Variants in LAMC3 observed in about 807,000 individuals in gnomAD.
LAMC3 encodes laminin subunit gamma 3.
A neutral mutation model predicts 173.8 loss-of-function variants in LAMC3; 128 were observed. The ratio of observed to expected loss-of-function variants is 0.74; its 90% confidence interval spans 0.64 to 0.85. The LOEUF (loss-of-function observed/expected upper bound fraction) is 0.85, where lower values mean the gene tolerates loss of function less well. LAMC3 is among the 40% of genes least tolerant of loss of function. The pLI is 0.00. For synonymous variants in LAMC3, 897 were observed against 909.1 expected (o/e 0.99, Z 0.24); for missense variants, 2,022 against 2,156.0 (o/e 0.94, Z 1.23).
At chr9:131,082,025 G>A (rs752994970) in intron 23 of LAMC3, 34 bp from the exon 24 acceptor site, 22 of 1,567,968 alleles carry the variant, frequency 1.4e-5, no homozygotes, top group Non-Finnish European at 1.9e-5. Context: ...CTCCTGTGGA[G>A]CCAGCTGCCC....
chr9:131,091,122 A>G (rs1830417109), intron 27 of LAMC3, among the ~76,000 whole-genome samples: 2 of 152,346 alleles, frequency 1.3e-5, no homozygotes, highest in African/African-American at 4.8e-5. Context: ...GCCCACATCC[A>G]GGCCCACAGG....
At position 131,045,504 on chromosome 9, in the gene LAMC3, A is replaced by G. The variant is rs755969224; in HGVS notation, c.1383-20A>G. The G allele has an allele frequency of 5.6e-6, 9 of 1,612,896 alleles. No homozygotes were observed. The South Asian group carries it at 7.7e-5, about 14-fold the overall frequency. On this transcript the variant is annotated intron_variant, in intron 7 of 27. Transcript: ENST00000361069. ...GCTGATTCACGTGGCCCTCGTGGGC[A>G]TGTCCTGCCTCCATTTCAGATGTCG... is the stretch of plus-strand genomic sequence containing the variant.
rs398012456 is a variant in LAMC3, at chr9:131,047,165, C to CTTTTTTTTTTTTTTTTTTATTTTTTT, written c.1519+1522_1519+1523insTATTTTTTTTTTTTTTTTTTTTTTTT. Among the ~76,000 whole-genome samples, 2 of 102,164 alleles carry CTTTTTTTTTTTTTTTTTTATTTTTTT rather than the reference C, an allele frequency of 2.0e-5. 1 individual carries two copies. The highest frequency in any genetic ancestry group is 3.8e-5 in the Non-Finnish European group (2 of 52,542). The allele number at this position is 102,164 out of a possible 152,430, so 67.0% of individuals were successfully genotyped here. On this transcript the variant is annotated intron_variant, in intron 8 of 27. Coordinates refer to ENST00000361069, the MANE Select transcript of LAMC3 (RefSeq NM_006059.4). ...AAAACTTTTTGGTCTCTGAATTCCT[C>CTTTTTTTTTTTTTTTTTTATTTTTTT]TTTTTTTTTTTTTTTTTAAGACGGA...
At chr9:131,082,345 C>T (rs889693654) in intron 24 of LAMC3, among the ~76,000 whole-genome samples, 184 bp downstream of exon 24, 6 of 152,230 alleles carry the variant, frequency 3.9e-5, no homozygotes, top group South Asian at 2.1e-4. Context: ...TCACTCACCT[C>T]GGACTTGCCC....
chr9:131,042,217 C>G (rs1026110717), intron 7 of LAMC3, among the ~76,000 whole-genome samples: 1 of 151,926 alleles, frequency 6.6e-6, no homozygotes, highest in Non-Finnish European at 1.5e-5. Context: ...TATCAACGCT[C>G]CCCTTTCACA....
Position 131,039,226 on chromosome 9 carries a change from TC to T in LAMC3, c.1262del (p.Ser421CysfsTer112), listed in dbSNP as rs1834000025. ...TGACCGCTGTCTGCCCGGGTTCCAC[TC>T]GCTCAGTGAGGGAGGCTGCAGGTGA... ...KCDRCLPGFH[S>X]LSEGGCRPCT... On this transcript the variant is annotated frameshift_variant, in exon 6 of 28. Transcript: ENST00000361069. LOFTEE classifies it high-confidence loss of function. The T allele has an allele frequency of 6.2e-7, 1 of 1,606,018 alleles. No homozygotes were observed. Among genetic ancestry groups the T allele is most frequent in the Non-Finnish European group, 8.5e-7 (1 of 1,179,968 alleles).
At chr9:131,079,686 C>A (rs1198046889) in intron 23 of LAMC3, among the ~76,000 whole-genome samples, 1 of 151,782 alleles carries the variant, frequency 6.6e-6, no homozygotes, top group East Asian at 1.9e-4. Context: ...GAGTGAGACC[C>A]CATCTCAAAA....
At chr9:131,031,054 A>C (rs1833814396) in intron 2 of LAMC3, among the ~76,000 whole-genome samples, 1 of 152,206 alleles carries the variant, frequency 6.6e-6, no homozygotes. Flanking sequence ...TGGCCAAGGC[A>C]TCCTCTGGCA....
At chr9:131,064,011 G>A (rs1322563589) in intron 13 of LAMC3, among the ~76,000 whole-genome samples, 1 of 152,030 alleles carries the variant, frequency 6.6e-6, no homozygotes, top group Non-Finnish European at 1.5e-5. Context: ...AGGTTCAAGC[G>A]ATTCTCCTGC....
intron 13 of LAMC3, among the ~76,000 whole-genome samples, chr9:131,065,737 C>G (rs1385027753): frequency 6.6e-6 from 1 of 152,146 alleles, no homozygotes; most frequent in Non-Finnish European, 1.5e-5. Flanking sequence ...CACACGTGAT[C>G]ACGGGTGATG....
intron 8 of LAMC3, among the ~76,000 whole-genome samples, chr9:131,047,283 G>A (rs967483854): frequency 6.8e-6 from 1 of 146,688 alleles, no homozygotes; most frequent in African/African-American, 2.5e-5. Flanking sequence ...TCCTGCCTCA[G>A]CCTCCTGTGT....
In LAMC3 at chr9:131,094,068, C is replaced by G. The variant is rs1007222310; in HGVS notation, c.*2281C>G. On this transcript the variant is annotated 3_prime_UTR_variant, in exon 28 of 28. Coordinates refer to ENST00000361069, the MANE Select transcript of LAMC3 (RefSeq NM_006059.4). ...ACCTCAGATGATATACCTGCATTGGCCTCTTAAAGTTCTGGGATTTCAGGC... is the reference window on the plus strand; with the variant it reads ...ACCTCAGATGATATACCTGCATTGGGCTCTTAAAGTTCTGGGATTTCAGGC... 6.6e-6 allele frequency: 1 copy of G among 152,252 alleles called. No homozygotes were observed. The highest frequency in any genetic ancestry group is 1.5e-5 in the Non-Finnish European group (1 of 68,074). The allele number at this position is 152,252 out of a possible 1,614,324, so 9.4% of individuals were successfully genotyped here.
At chr9:131,016,214 G>C (rs941665445) in intron 1 of LAMC3, among the ~76,000 whole-genome samples, 1 of 152,232 alleles carries the variant, frequency 6.6e-6, no homozygotes, top group Admixed American at 6.5e-5. Context: ...AGTCCACAGA[G>C]ACAGAAGGTA....
chr9:131,021,640 G>A (rs1317262341), intron 1 of LAMC3, among the ~76,000 whole-genome samples: 4 of 152,068 alleles, frequency 2.6e-5, no homozygotes, highest in Non-Finnish European at 5.9e-5. Flanking sequence ...GTTCCAACAC[G>A]ATCTAGTCAG....
At chr9:131,082,909 G>A (rs777467296) in intron 24 of LAMC3, among the ~76,000 whole-genome samples, 1 of 152,208 alleles carries the variant, frequency 6.6e-6, no homozygotes, top group Non-Finnish European at 1.5e-5. Context: ...AAGAGATGGA[G>A]CGCTAGCTGT....
intron 3 of LAMC3, among the ~76,000 whole-genome samples, chr9:131,034,435 C>G (rs1169866751): frequency 6.6e-6 from 1 of 152,256 alleles, no homozygotes; most frequent in Non-Finnish European, 1.5e-5. Context: ...AGCTAAAGCA[C>G]CTGGAGCCGC....
intron 24 of LAMC3, among the ~76,000 whole-genome samples, chr9:131,083,815 G>A (rs1464779024): frequency 1.3e-5 from 2 of 150,018 alleles, no homozygotes; most frequent in Admixed American, 6.6e-5. Flanking sequence ...AGATTAGAAG[G>A]CTTTATTCAT....
intron 14 of LAMC3, 109 bp downstream of exon 14, chr9:131,067,314 C>A: frequency 7.0e-7 from 1 of 1,437,980 alleles, no homozygotes; most frequent in South Asian, 1.2e-5. Context: ...AACCAGCTGG[C>A]TCCTCTGCAA....
In LAMC3 at chr9:131,052,550, G is replaced by T. The variant is rs755480548; in HGVS notation, c.1690G>T (p.Val564Leu). Residue 564 changes from valine to leucine, a missense_variant, in exon 10 of 28, where the codon GTG (valine) becomes TTG (leucine). Transcript: ENST00000361069. ...GCAGCCCCTCATACTGACCTTCCGG[G>T]TGCCCCCCGGGGACTCCCCACTCCC... is the stretch of plus-strand genomic sequence containing the variant. ...YGQPLILTFR[V>L]PPGDSPLPVQ... The T allele has an allele frequency of 1.9e-6, 3 of 1,614,152 alleles. No individual in the cohort carries two copies. The highest frequency in any genetic ancestry group is 2.5e-6 in the Non-Finnish European group (3 of 1,180,012).
Sources: allele counts gnomAD v4.1 joint callset (sites outside exome capture counted in the v4.1 genomes callset), GRCh38; gene constraint gnomAD v4.1.1; transcripts MANE v1.5; gene names NCBI Gene and HGNC (gene_info 2026-07-23, HGNC 2026-07-21).